The following MCPH1 variants were observed in gnomAD, a reference collection of about 807,000 sequenced individuals.
The protein encoded by MCPH1 is microcephalin 1.
Under a neutral mutation model 84.5 loss-of-function variants are expected in MCPH1, and 104 were observed. The ratio of observed to expected loss-of-function variants is 1.23; its 90% CI spans 1.05 to 1.45. MCPH1 has a LOEUF of 1.45. Among genes scored for constraint, MCPH1 ranks in the 40% most tolerant of loss-of-function variants. MCPH1 has a pLI of 0.00. For missense variants in MCPH1, 1,498 were observed against 1,005.7 expected, an observed-to-expected ratio of 1.49 and a Z score of -6.62; for synonymous variants, 514 against 366.8, an observed-to-expected ratio of 1.40 and a Z score of -4.58.
intron 3 of MCPH1, among the ~76,000 whole-genome samples, chr8:6,417,779 A>G (rs1294320954): frequency 6.6e-6 from 1 of 152,036 alleles, no homozygotes; most frequent in African/African-American, 2.4e-5. Context: ...TTGTCTGATA[A>G]TTTTGAGGTT....
intron 8 of MCPH1, among the ~76,000 whole-genome samples, chr8:6,450,147 G>T (rs1028772616): frequency 1.3e-5 from 2 of 152,128 alleles, no homozygotes; most frequent in East Asian, 3.9e-4. Context: ...CCAGGGTCTT[G>T]TTCATCGATA....
intron 12 of MCPH1, among the ~76,000 whole-genome samples, chr8:6,588,469 C>T (rs1828172429): frequency 6.6e-6 from 1 of 152,050 alleles, no homozygotes; most frequent in Admixed American, 6.5e-5. Context: ...GTAGGCTGAG[C>T]CCCTTCACCT....
chr8:6,477,018 G>T (rs1194558824), intron 9 of MCPH1, among the ~76,000 whole-genome samples: 1 of 151,386 alleles, frequency 6.6e-6, no homozygotes, highest in Non-Finnish European at 1.5e-5. Context: ...GCAAGTCAGC[G>T]TGCATTTCTT....
At chr8:6,625,031 T>C (rs1831919804) in intron 13 of MCPH1, 1 of 487,452 alleles carries the variant, frequency 2.1e-6, no homozygotes, top group African/African-American at 2.1e-5. Flanking sequence ...CCCGCCACCA[T>C]GCCCAGGTAA....
rs542510249 is a variant in MCPH1, at chr8:6,507,502, C to G, written c.2214+7573C>G. 7 of 151,720 alleles carry G rather than the reference C, an allele frequency of 4.6e-5. No homozygotes were observed. In the South Asian group the frequency reaches 1.5e-3, roughly 32 times the overall value. 9.4% of individuals were successfully genotyped at this position (151,720 alleles called of 1,614,324 possible). On this transcript the variant is annotated intron_variant, in intron 12 of 13. Coordinates refer to ENST00000344683, the MANE Select transcript of MCPH1 (RefSeq NM_024596.5). The stretch of plus-strand genomic sequence containing the variant: ...TCACACTTTTTTCTTGTCTCAGTCA[C>G]TAAGTAGCGTTTGTTCCTGTCAGTG...
At chr8:6,408,427 G>A (rs1490370193) in intron 1 of MCPH1, among the ~76,000 whole-genome samples, 1 of 151,966 alleles carries the variant, frequency 6.6e-6, no homozygotes, top group African/African-American at 2.4e-5. Flanking sequence ...TCACTATGTT[G>A]CCTAGGCTGG....
chr8:6,604,227 C>T (rs1829583411), intron 12 of MCPH1, among the ~76,000 whole-genome samples: 1 of 151,832 alleles, frequency 6.6e-6, no homozygotes, highest in South Asian at 2.1e-4. Flanking sequence ...TCCATGGAGC[C>T]ATCCCAGACA....
intron 12 of MCPH1, chr8:6,508,441 A>G (rs555792904): frequency 2.4e-5 from 4 of 166,352 alleles, no homozygotes; most frequent in Non-Finnish European, 5.1e-5. Context: ...CTCTGTCTCA[A>G]AATAAATAAA....
chr8:6,630,253 T>C (rs991862643), intron 13 of MCPH1, among the ~76,000 whole-genome samples: 1 of 152,060 alleles, frequency 6.6e-6, no homozygotes, highest in Non-Finnish European at 1.5e-5. Flanking sequence ...CCTGACAATG[T>C]TGAAAAAGAA....
At chr8:6,566,687 A>T in intron 12 of MCPH1, among the ~76,000 whole-genome samples, 1 of 151,698 alleles carries the variant, frequency 6.6e-6, no homozygotes, top group East Asian at 2.0e-4. Context: ...AAGGCCATGG[A>T]TAGTGAACGT....
intron 2 of MCPH1, among the ~76,000 whole-genome samples, chr8:6,411,692 A>G (rs897893834): frequency 1.6e-4 from 25 of 152,110 alleles, no homozygotes. Flanking sequence ...CAATTACCCT[A>G]TTTTGTTATC....
chr8:6,456,508 C>T (rs893832383), intron 9 of MCPH1, among the ~76,000 whole-genome samples: 2 of 152,166 alleles, frequency 1.3e-5, no homozygotes, highest in African/African-American at 4.8e-5. Context: ...CTACCGTTCC[C>T]GTGCCTCTCC....
intron 3 of MCPH1, among the ~76,000 whole-genome samples, chr8:6,424,206 A>C (rs1800705617): frequency 6.6e-6 from 1 of 152,228 alleles, no homozygotes; most frequent in Non-Finnish European, 1.5e-5. Context: ...TTGAAGAAAG[A>C]ATACATAAAG....
At chr8:6,621,076 C>T (rs1831361372) in intron 12 of MCPH1, 8 of 338,742 alleles carry the variant, frequency 2.4e-5, no homozygotes, top group Middle Eastern at 1.0e-3. Flanking sequence ...ATTTGCAGTG[C>T]ATTAGAATCT....
At chr8:6,604,203 G>A (rs1418924382) in intron 12 of MCPH1, among the ~76,000 whole-genome samples, 1 of 52,024 alleles carries the variant, frequency 1.9e-5, no homozygotes, top group East Asian at 3.8e-4. Flanking sequence ...TGCACTGGAA[G>A]GAGCCACAGC....
chr8:6,541,346 G>A (rs1436229933), intron 12 of MCPH1, among the ~76,000 whole-genome samples: 1 of 152,184 alleles, frequency 6.6e-6, no homozygotes. Context: ...AGGCTAGTGG[G>A]TAACTCGGGG....
chr8:6,556,573 G>T (rs1824645519), intron 12 of MCPH1, among the ~76,000 whole-genome samples: 1 of 152,022 alleles, frequency 6.6e-6, no homozygotes, highest in African/African-American at 2.4e-5. Context: ...TCTGACCAAA[G>T]CATAGTGTCC....
intron 9 of MCPH1, among the ~76,000 whole-genome samples, chr8:6,470,464 T>A (rs1375468394): frequency 6.6e-6 from 1 of 152,142 alleles, no homozygotes; most frequent in South Asian, 2.1e-4. Flanking sequence ...TTTGTATTTT[T>A]AGGAGAGATA....
At chr8:6,627,934 A>G (rs1192034423) in intron 13 of MCPH1, among the ~76,000 whole-genome samples, 1 of 151,996 alleles carries the variant, frequency 6.6e-6, no homozygotes, top group African/African-American at 2.4e-5. Flanking sequence ...TATAAACATT[A>G]GTGGGTTTTA....
Sources: gnomAD v4.1 joint callset for allele counts (sites outside exome capture counted in the v4.1 genomes callset) on GRCh38, gnomAD v4.1.1 for gene constraint, MANE v1.5 for transcripts, NCBI Gene and HGNC (gene_info 2026-07-23, HGNC 2026-07-21) for gene names.